Variants in BCAS3 observed in about 807,000 individuals in gnomAD.
BCAS3 encodes the protein BCAS4/BCAS3 fusion.
Under a neutral mutation model 116.1 loss-of-function variants are expected in BCAS3, and 53 were observed. The observed-to-expected ratio is 0.46, with a 90% CI of 0.37 to 0.57. BCAS3 has a LOEUF of 0.57. Among genes scored for constraint, BCAS3 ranks in the 20% least tolerant of loss-of-function variants. BCAS3 has a pLI of 0.00. For synonymous variants in BCAS3, 391 were observed against 408.2 expected (o/e 0.96, Z 0.51); for missense variants, 917 against 1,165.4 (o/e 0.79, Z 3.10).
chr17:60,862,303 A>G (rs186190244), intron 7 of BCAS3, among the ~76,000 whole-genome samples: 1 of 152,024 alleles, frequency 6.6e-6, no homozygotes, highest in African/African-American at 2.4e-5. Context: ...CAAACAAAAA[A>G]CAGAATGAGG....
chr17:60,804,622 G>T lies in BCAS3; in HGVS notation c.404-3382G>T, dbSNP rs546279471. Among the ~76,000 whole-genome samples, 3 of 151,982 alleles carry T rather than the reference G, an allele frequency of 2.0e-5. No individual in the cohort carries two copies. The South Asian group carries it at 6.3e-4, about 32-fold the overall frequency. On this transcript the variant is annotated intron_variant, in intron 6 of 23. Coordinates refer to ENST00000407086, the MANE Select transcript of BCAS3 (RefSeq NM_017679.5). Reference sequence around the variant, plus strand: ...GTAATTCGTTGTGTTGTTTTGCAGCGGTAGGAAATATTCTATTGTAACTTG... The same window carrying T: ...GTAATTCGTTGTGTTGTTTTGCAGCTGTAGGAAATATTCTATTGTAACTTG...
At chr17:60,782,832 C>G (rs2045950913) in intron 6 of BCAS3, among the ~76,000 whole-genome samples, 1 of 151,920 alleles carries the variant, frequency 6.6e-6, no homozygotes, top group African/African-American at 2.4e-5. Context: ...AGGTGATCTG[C>G]CTGGCTTGGC....
At chr17:60,761,498 T>C (rs537034755) in intron 6 of BCAS3, among the ~76,000 whole-genome samples, 18 of 152,230 alleles carry the variant, frequency 1.2e-4, no homozygotes, top group African/African-American at 4.3e-4. Flanking sequence ...AGAATGATGG[T>C]TTCCAGCTTC....
intron 15 of BCAS3, among the ~76,000 whole-genome samples, chr17:60,991,353 ATG>A (rs1303563998): frequency 2.0e-5 from 3 of 152,106 alleles, no homozygotes; most frequent in African/African-American, 7.2e-5. Flanking sequence ...ACTACTGCTG[ATG>A]TACATTGCAT....
intron 14 of BCAS3, among the ~76,000 whole-genome samples, chr17:60,976,068 G>A (rs1410177153): frequency 9.4e-6 from 1 of 106,414 alleles, no homozygotes; most frequent in African/African-American, 3.6e-5. Flanking sequence ...TTGCTCTGTC[G>A]CCCAGGCTGG....
In BCAS3 at chr17:60,729,856, G is replaced by T. The variant is rs543873481; in HGVS notation, c.322-17342G>T. The stretch of plus-strand genomic sequence containing the variant: ...CCAGTTTGTATGTCTGAGTGATTAT[G>T]AAGTGTTTATGACAGCCGCTAGGCC... On this transcript the variant is annotated intron_variant, in intron 5 of 23. Transcript: ENST00000407086. 2.0e-5 allele frequency among the ~76,000 whole-genome samples: 3 copies of T among 152,334 alleles called. No homozygotes were observed. In the East Asian group the frequency reaches 5.8e-4, roughly 29 times the overall value.
intron 7 of BCAS3, among the ~76,000 whole-genome samples, chr17:60,842,291 A>G (rs1044384760): frequency 1.2e-4 from 19 of 152,302 alleles, no homozygotes; most frequent in Admixed American, 3.9e-4. Flanking sequence ...TTTGATTGCA[A>G]TGGAATTTCA....
At chr17:61,074,117 A>T (rs1437282206) in intron 19 of BCAS3, among the ~76,000 whole-genome samples, 2 of 151,708 alleles carry the variant, frequency 1.3e-5, no homozygotes, top group Non-Finnish European at 2.9e-5. Flanking sequence ...TCTTAAGAAA[A>T]AAAAAAAAAA....
Position 60,994,392 on chromosome 17 carries a change from C to T in BCAS3, c.1486+4157C>T, listed in dbSNP as rs1001014398. 5.9e-5 allele frequency among the ~76,000 whole-genome samples: 9 copies of T among 151,742 alleles called. No individual in the cohort carries two copies. Among genetic ancestry groups the T allele is most frequent in the African/African-American group, 2.2e-4 (9 of 41,322 alleles). ...TTTCCCATGGCTTGTAAGTATTATT[C>T]TGGGAAACATTCCTCAGGCTTCCCC... On this transcript the variant is annotated intron_variant, in intron 15 of 23. Transcript: ENST00000407086. This position sits in a 1 kb window ranked among gnomAD's most constrained non-coding sequence, Gnocchi z 4.4.
intron 7 of BCAS3, among the ~76,000 whole-genome samples, chr17:60,824,598 G>A (rs1171193494): frequency 6.6e-6 from 1 of 152,168 alleles, no homozygotes; most frequent in Non-Finnish European, 1.5e-5. Context: ...ACTTTTTTCT[G>A]TGTTCTGTCA....
Position 60,994,555 on chromosome 17 carries a change from A to T in BCAS3, c.1486+4320A>T, listed in dbSNP as rs899035305. 3.3e-5 allele frequency among the ~76,000 whole-genome samples: 5 copies of T among 152,142 alleles called. No individual in the cohort carries two copies. The highest frequency in any genetic ancestry group is 1.2e-4 in the African/African-American group (5 of 41,446). ...TTGTGGAATGTTAGCTATAAATATG[A>T]TCTGCCAATTTTCTGCTTAAGATCT... is the stretch of plus-strand genomic sequence containing the variant. On this transcript the variant is annotated intron_variant, in intron 15 of 23. Transcript: ENST00000407086. The surrounding 1 kb of genome is among the most constrained non-coding windows in gnomAD (Gnocchi z 4.4).
chr17:61,103,290 T>C (rs1381991728), intron 22 of BCAS3, among the ~76,000 whole-genome samples: 1 of 152,154 alleles, frequency 6.6e-6, no homozygotes, highest in Non-Finnish European at 1.5e-5. Context: ...TCCTCTGTCA[T>C]TTGGATACAT....
At chr17:60,762,412 A>G (rs912376414) in intron 6 of BCAS3, among the ~76,000 whole-genome samples, 1 of 152,176 alleles carries the variant, frequency 6.6e-6, no homozygotes, top group African/African-American at 2.4e-5. Flanking sequence ...TCAGCTTTCT[A>G]CATATGGCTA....
intron 6 of BCAS3, among the ~76,000 whole-genome samples, chr17:60,781,584 G>T (rs1333815529): frequency 2.0e-5 from 3 of 152,092 alleles, no homozygotes; most frequent in Non-Finnish European, 4.4e-5. Context: ...GGATGACAGA[G>T]TGAGACCTTT....
intron 1 of BCAS3, 98 bp from the exon 2 acceptor site, chr17:60,679,355 C>A: frequency 2.6e-6 from 2 of 777,430 alleles, no homozygotes; most frequent in Admixed American, 2.7e-5. Context: ...GCATTTTTGA[C>A]AAGGGATCTC....
At chr17:60,876,527 A>T (rs2055624692) in intron 9 of BCAS3, among the ~76,000 whole-genome samples, 1 of 152,138 alleles carries the variant, frequency 6.6e-6, no homozygotes, top group Admixed American at 6.5e-5. Context: ...TTTGTAGAAC[A>T]TTAGATTTTC....
intron 23 of BCAS3, among the ~76,000 whole-genome samples, chr17:61,382,051 G>T (rs2059628825): frequency 6.6e-6 from 1 of 151,998 alleles, no homozygotes; most frequent in Non-Finnish European, 1.5e-5. Flanking sequence ...CCTGGGGCCG[G>T]GCGCGGTGGC....
Position 61,323,773 on chromosome 17 carries a change from A to G in BCAS3, c.2426-44554A>G, listed in dbSNP as rs914321695. Reference sequence around the variant, plus strand: ...CGTGGTGCCTAGTCCCCAGGAGGTCAGTGGCCTGCTGCGGTGCTCAGCTGC... The same window carrying G: ...CGTGGTGCCTAGTCCCCAGGAGGTCGGTGGCCTGCTGCGGTGCTCAGCTGC... On this transcript the variant is annotated intron_variant, in intron 22 of 23. Transcript: ENST00000407086. The surrounding 1 kb of genome is among the most constrained non-coding windows in gnomAD (Gnocchi z 4.6). Among the ~76,000 whole-genome samples the G allele has an allele frequency of 4.6e-5, 7 of 152,198 alleles. No individual in the cohort carries two copies. The highest frequency in any genetic ancestry group is 1.7e-4 in the African/African-American group (7 of 41,458).
chr17:60,979,219 A>G (rs2062627975), intron 14 of BCAS3, among the ~76,000 whole-genome samples: 1 of 151,130 alleles, frequency 6.6e-6, no homozygotes, highest in Non-Finnish European at 1.5e-5. Flanking sequence ...GGTCCTTCAC[A>G]TCCCTTGTAA....
Sources: allele counts gnomAD v4.1 joint callset (sites outside exome capture counted in the v4.1 genomes callset), GRCh38; gene constraint gnomAD v4.1.1; non-coding constraint Gnocchi (gnomAD v3.1); transcripts MANE v1.5; gene names NCBI Gene and HGNC (gene_info 2026-07-23, HGNC 2026-07-21).